TBC1D22A: variants seen among roughly 807,000 people sequenced by gnomAD.
TBC1D22A encodes the protein putative GTPase activator.
A neutral mutation model predicts 60.2 loss-of-function variants in TBC1D22A; 38 were observed. The ratio of observed to expected loss-of-function variants is 0.63; its 90% CI spans 0.49 to 0.83. TBC1D22A has a LOEUF of 0.83. Ranked by LOEUF, TBC1D22A falls within the 40% of genes least tolerant of loss-of-function variation. The pLI, the probability that TBC1D22A is intolerant of heterozygous loss-of-function variation, is 0.00. For missense variants in TBC1D22A, 628 were observed against 701.0 expected (o/e 0.90, Z 1.18); for synonymous variants, 302 against 281.7 (o/e 1.07, Z -0.72).
At chr22:46,961,825 C>G (rs1191708937) in intron 8 of TBC1D22A, among the ~76,000 whole-genome samples, 1 of 152,206 alleles carries the variant, frequency 6.6e-6, no homozygotes, top group Non-Finnish European at 1.5e-5. Context: ...GATGGCGTCA[C>G]CAGCGTCAGA....
chr22:47,089,091 G>A (rs1413736966), intron 11 of TBC1D22A, among the ~76,000 whole-genome samples: 2 of 152,178 alleles, frequency 1.3e-5, no homozygotes, highest in Non-Finnish European at 2.9e-5. Context: ...GAGGGAATTC[G>A]AGATTTTAAA....
chr22:46,856,809 GATCTTTTTTTGATGTATA>G (rs1163806132), intron 4 of TBC1D22A, among the ~76,000 whole-genome samples: 1 of 152,216 alleles, frequency 6.6e-6, no homozygotes, highest in Non-Finnish European at 1.5e-5. Flanking sequence ...TAGACATTTA[GATCTTTTTTTGATGTATA>G]AATAATGCTG....
chr22:46,836,695 G>A (rs547966505), intron 4 of TBC1D22A, among the ~76,000 whole-genome samples: 5 of 152,050 alleles, frequency 3.3e-5, no homozygotes, highest in African/African-American at 7.2e-5. Context: ...TGACTGAATA[G>A]ATTAAAAAAA....
chr22:46,924,168 T>A (rs1384024422), intron 8 of TBC1D22A, among the ~76,000 whole-genome samples: 1 of 152,236 alleles, frequency 6.6e-6, no homozygotes, highest in Non-Finnish European at 1.5e-5. Flanking sequence ...CCGTGCTATT[T>A]AAATGTAGAA....
chr22:46,945,411 C>CT (rs1350249049), intron 8 of TBC1D22A, among the ~76,000 whole-genome samples: 1 of 152,204 alleles, frequency 6.6e-6, no homozygotes, highest in African/African-American at 2.4e-5. Flanking sequence ...TTTTAAAGAA[C>CT]TTTCCTTGTT....
At chr22:46,904,975 C>T (rs1220967332) in intron 7 of TBC1D22A, among the ~76,000 whole-genome samples, 2 of 151,110 alleles carry the variant, frequency 1.3e-5, no homozygotes, top group Non-Finnish European at 2.9e-5. Context: ...GGGGTTTCAC[C>T]GTGTTAGCCG....
rs538989966 is a variant in TBC1D22A, at chr22:46,985,178, G to A, written c.1125+10779G>A. Among the ~76,000 whole-genome samples the A allele has an allele frequency of 2.0e-5, 3 of 152,356 alleles. No individual in the cohort carries two copies. In the South Asian group the frequency reaches 6.2e-4, roughly 32 times the overall value. On this transcript the variant is annotated intron_variant, in intron 9 of 12. Transcript: ENST00000337137. ...GTTGGCAGAGAGAAAGCGCACTCCA[G>A]CTGAGCTCTGATTTGGCATTTGTTG... is the stretch of plus-strand genomic sequence containing the variant.
At chr22:46,976,358 G>A (rs977409531) in intron 9 of TBC1D22A, among the ~76,000 whole-genome samples, 21 of 152,138 alleles carry the variant, frequency 1.4e-4, no homozygotes, top group Non-Finnish European at 5.9e-5. Context: ...CACGTGCCAC[G>A]ATGGATTCCA....
intron 1 of TBC1D22A, among the ~76,000 whole-genome samples, chr22:46,783,062 T>G (rs2084008359): frequency 6.6e-6 from 1 of 152,194 alleles, no homozygotes; most frequent in African/African-American, 2.4e-5. Flanking sequence ...ATTTTTAATT[T>G]CCCGCTAGCA....
At chr22:47,026,798 A>C (rs1469055502) in intron 10 of TBC1D22A, among the ~76,000 whole-genome samples, 1 of 152,238 alleles carries the variant, frequency 6.6e-6, no homozygotes. Context: ...CAAGAGTATT[A>C]AATGTCAGCT....
chr22:46,841,541 A>G (rs2086771274), intron 4 of TBC1D22A, among the ~76,000 whole-genome samples: 2 of 152,370 alleles, frequency 1.3e-5, no homozygotes, highest in African/African-American at 4.8e-5. Context: ...TGTCATTTAC[A>G]GCAACATGGA....
intron 1 of TBC1D22A, among the ~76,000 whole-genome samples, chr22:46,769,245 C>T (rs2146692712): frequency 6.6e-6 from 1 of 152,306 alleles, no homozygotes; most frequent in South Asian, 2.1e-4. Context: ...ATTGCCAGAG[C>T]CACGAGATGT....
intron 10 of TBC1D22A, among the ~76,000 whole-genome samples, chr22:47,022,346 A>G (rs2062119263): frequency 6.6e-6 from 1 of 152,224 alleles, no homozygotes; most frequent in Non-Finnish European, 1.5e-5. Flanking sequence ...GGAAAAGTAC[A>G]GGGTGAGCTC....
chr22:47,076,505 T>TA (rs2064234820), intron 11 of TBC1D22A, among the ~76,000 whole-genome samples: 1 of 151,918 alleles, frequency 6.6e-6, no homozygotes, highest in South Asian at 2.1e-4. Context: ...TTGGACATTT[T>TA]AAAATGCACT....
intron 11 of TBC1D22A, among the ~76,000 whole-genome samples, chr22:47,090,471 T>C (rs1469271348): frequency 1.3e-5 from 2 of 152,236 alleles, no homozygotes; most frequent in East Asian, 3.8e-4. Context: ...CAGTCAGTGC[T>C]GTCAGAAACG....
At chr22:47,013,513 G>A (rs1727904801) in intron 10 of TBC1D22A, among the ~76,000 whole-genome samples, 1 of 152,174 alleles carries the variant, frequency 6.6e-6, no homozygotes, top group South Asian at 2.1e-4. Context: ...TCCCAAAGTC[G>A]TTGCTGATCA....
chr22:47,019,783 A>T (rs2062019708), intron 10 of TBC1D22A, among the ~76,000 whole-genome samples: 1 of 151,336 alleles, frequency 6.6e-6, no homozygotes, highest in Non-Finnish European at 1.5e-5. Context: ...TTAACCCTCC[A>T]TCCTTCCCCT....
chr22:47,171,239 G>T (rs560963660), intron 12 of TBC1D22A, among the ~76,000 whole-genome samples: 1 of 152,316 alleles, frequency 6.6e-6, no homozygotes, highest in Non-Finnish European at 1.5e-5. Flanking sequence ...TGCCAGTCTT[G>T]CTGGGCTGCG....
intron 4 of TBC1D22A, among the ~76,000 whole-genome samples, chr22:46,841,047 G>GGTGTGGGTGT (rs1555909302): frequency 3.3e-4 from 49 of 147,438 alleles, no homozygotes; most frequent in Non-Finnish European, 5.1e-4. Context: ...AATGAAAATG[G>GGTGTGGGTGT]GTGTGTGTGT....
Sources: allele counts gnomAD v4.1 joint callset (sites outside exome capture counted in the v4.1 genomes callset), GRCh38; gene constraint gnomAD v4.1.1; transcripts MANE v1.5; gene names NCBI Gene and HGNC (gene_info 2026-07-23, HGNC 2026-07-21).